The following NFIA variants were observed in gnomAD, a reference collection of about 807,000 sequenced individuals.
NFIA encodes nuclear factor 1 A-type.
Under a neutral mutation model 62.8 loss-of-function variants are expected in NFIA, and 8 were observed. That is an observed-to-expected ratio of 0.13 (90% CI 0.07 to 0.23). NFIA has a LOEUF of 0.23. Among genes scored for constraint, NFIA ranks in the 10% least tolerant of loss-of-function variants. NFIA has a pLI of 1.00. For missense variants in NFIA, 410 were observed against 642.1 expected, an observed-to-expected ratio of 0.64 and a Z score of 3.91; for synonymous variants, 235 against 238.1, an observed-to-expected ratio of 0.99 and a Z score of 0.12.
chr1:61,098,724 G>A (rs1291521403), intron 2 of NFIA, among the ~76,000 whole-genome samples: 1 of 152,052 alleles, frequency 6.6e-6, no homozygotes, highest in Non-Finnish European at 1.5e-5. Context: ...AGTAACTACA[G>A]TTTTAAAAAA....
At chr1:61,127,467 A>T (rs949449329) in intron 2 of NFIA, among the ~76,000 whole-genome samples, 11 of 152,058 alleles carry the variant, frequency 7.2e-5, no homozygotes, top group Non-Finnish European at 1.5e-4. Flanking sequence ...ATATTAAAAA[A>T]AAAAAAAGTA....
intron 4 of NFIA, among the ~76,000 whole-genome samples, chr1:61,334,937 T>C (rs573310004): frequency 1.3e-5 from 2 of 152,214 alleles, no homozygotes; most frequent in African/African-American, 4.8e-5. Flanking sequence ...AGTAGAACTC[T>C]GGTCAGTCTA....
intron 2 of NFIA, among the ~76,000 whole-genome samples, chr1:61,215,821 A>G (rs181978942): frequency 3.3e-4 from 50 of 152,274 alleles, no homozygotes; most frequent in African/African-American, 1.0e-3. Context: ...TTTTTATGTG[A>G]CTCAGCGTCA....
At chr1:61,108,061 T>C (rs1227185311) in intron 2 of NFIA, among the ~76,000 whole-genome samples, 2 of 151,708 alleles carry the variant, frequency 1.3e-5, no homozygotes, top group Non-Finnish European at 3.0e-5. Context: ...GCCCTTATAA[T>C]GAGTCTTGAT....
intron 3 of NFIA, among the ~76,000 whole-genome samples, chr1:61,287,866 A>C (rs1273754124): frequency 6.6e-6 from 1 of 152,214 alleles, no homozygotes; most frequent in East Asian, 1.9e-4. Flanking sequence ...GTGTATGAAA[A>C]GGTTTGATTA....
intron 10 of NFIA, among the ~76,000 whole-genome samples, chr1:61,428,014 G>A (rs535617084): frequency 6.6e-6 from 1 of 152,214 alleles, no homozygotes; most frequent in Admixed American, 6.5e-5. Context: ...CAATGAGAGG[G>A]GGAAAACTGG....
intron 7 of NFIA, among the ~76,000 whole-genome samples, chr1:61,395,690 A>G (rs1345213928): frequency 6.6e-6 from 1 of 152,206 alleles, no homozygotes; most frequent in South Asian, 2.1e-4. Context: ...AACACATTTC[A>G]CATCAGCCAT....
chr1:61,316,796 A>G lies in NFIA; in HGVS notation c.626-15716A>G, dbSNP rs1660388769. On this transcript the variant is annotated intron_variant, in intron 3 of 10. Transcript: ENST00000403491. ...AATGTGTCGATCATTCTCCTGCCTA[A>G]AAGGCCAAATTCTTTCAGCATTGAT... Among the ~76,000 whole-genome samples, 3 of 152,196 alleles carry G rather than the reference A, an allele frequency of 2.0e-5. No homozygotes were observed. In the South Asian group the frequency reaches 6.2e-4, roughly 32 times the overall value.
At chr1:61,139,504 A>T (rs1183172511) in intron 2 of NFIA, among the ~76,000 whole-genome samples, 1 of 152,192 alleles carries the variant, frequency 6.6e-6, no homozygotes, top group East Asian at 1.9e-4. Flanking sequence ...TATTTTGCGG[A>T]TCAGAAAGTA....
upstream of NFIA, chr1:61,077,745 A>G (rs1646049086): frequency 4.7e-6 from 3 of 642,006 alleles, no homozygotes; most frequent in Admixed American, 3.7e-5. Flanking sequence ...TCGCATATGC[A>G]CTTAAGTGAT....
At chr1:61,150,598 C>T (rs540305183) in intron 2 of NFIA, among the ~76,000 whole-genome samples, 11 of 152,246 alleles carry the variant, frequency 7.2e-5, no homozygotes, top group South Asian at 6.2e-4. Context: ...CAACTGCTTA[C>T]GACACTGGAC....
chr1:61,275,895 A>G (rs1657778247), intron 2 of NFIA, among the ~76,000 whole-genome samples: 1 of 152,094 alleles, frequency 6.6e-6, no homozygotes, highest in Admixed American at 6.5e-5. Flanking sequence ...ATATTAATTT[A>G]TGTAGTTAAA....
chr1:61,430,534 T>C (rs1364987668), intron 10 of NFIA, among the ~76,000 whole-genome samples: 1 of 152,202 alleles, frequency 6.6e-6, no homozygotes, highest in Non-Finnish European at 1.5e-5. Context: ...CTTCTTTCCA[T>C]GTAAATTGGA....
At chr1:61,086,288 C>A (rs1049429476) in intron 1 of NFIA, among the ~76,000 whole-genome samples, 35 of 152,138 alleles carry the variant, frequency 2.3e-4, no homozygotes, top group African/African-American at 8.2e-4. Flanking sequence ...TAGATCATTT[C>A]AAGGATGAGC....
chr1:61,082,048 G>A (rs2100400770), upstream of NFIA: 1 of 1,547,364 alleles, frequency 6.5e-7, no homozygotes, highest in Admixed American at 2.0e-5. Context: ...CTCCACCGAG[G>A]TCCGCGGAGG....
chr1:61,213,065 G>A (rs1047094532), intron 2 of NFIA, among the ~76,000 whole-genome samples: 5 of 152,300 alleles, frequency 3.3e-5, no homozygotes, highest in East Asian at 1.9e-4. Flanking sequence ...GTATCAGGCA[G>A]TTGGATCAAT....
intron 3 of NFIA, among the ~76,000 whole-genome samples, chr1:61,278,578 A>T (rs9988610): frequency 0.013 from 1,981 of 152,268 alleles, 43 homozygotes; most frequent in African/African-American, 0.045. Context: ...TCACGAGGTC[A>T]GGAGTTCAAG....
intron 2 of NFIA, among the ~76,000 whole-genome samples, chr1:61,201,310 A>G (rs1652475040): frequency 6.6e-6 from 1 of 152,170 alleles, no homozygotes. Context: ...AAAACTGGCT[A>G]ATAGTATCAA....
At chr1:61,257,269 G>A (rs1656457407) in intron 2 of NFIA, among the ~76,000 whole-genome samples, 1 of 148,274 alleles carries the variant, frequency 6.7e-6, no homozygotes, top group Non-Finnish European at 1.5e-5. Context: ...AAGCATGTTT[G>A]TGCAGAGGTA....
Sources: allele counts gnomAD v4.1 joint callset (sites outside exome capture counted in the v4.1 genomes callset), GRCh38; gene constraint gnomAD v4.1.1; transcripts MANE v1.5; gene names NCBI Gene and HGNC (gene_info 2026-07-23, HGNC 2026-07-21).